The following FRMPD3 variants were observed in gnomAD, a reference collection of about 807,000 sequenced individuals.
FRMPD3 encodes the protein FERM and PDZ domain containing 3, also known as FERM and PDZ domain-containing protein 3.
FRMPD3 carries 42 observed loss-of-function variants against 97.9 expected under a neutral mutation model. That is an observed-to-expected ratio of 0.43 (90% confidence interval 0.34 to 0.55). FRMPD3 has a LOEUF of 0.55. Ranked by LOEUF, FRMPD3 falls within the 20% of genes least tolerant of loss-of-function variation. The pLI, the probability that FRMPD3 is intolerant of heterozygous loss-of-function variation, is 0.03. For synonymous variants in FRMPD3, 577 were observed against 581.1 expected, an observed-to-expected ratio of 0.99 and a Z score of 0.10; for missense variants, 1,303 against 1,457.7, an observed-to-expected ratio of 0.89 and a Z score of 1.73.
chrX:107,586,355 A>G (rs1056305968), intron 13 of FRMPD3, among the ~76,000 whole-genome samples: 1 of 108,769 alleles, frequency 9.2e-6, no homozygotes, highest in African/African-American at 3.3e-5. Context: ...TAGTCTAGCT[A>G]GTGGTCTATT....
intron 1 of FRMPD3, among the ~76,000 whole-genome samples, chrX:107,510,669 C>A (rs1922142801): frequency 8.9e-6 from 1 of 111,875 alleles, no homozygotes; most frequent in African/African-American, 3.2e-5. Flanking sequence ...TTAAGAAAGA[C>A]CTTATAATTC....
intron 13 of FRMPD3, among the ~76,000 whole-genome samples, chrX:107,583,761 A>G (rs1459053632): frequency 9.1e-6 from 1 of 110,217 alleles, no homozygotes; most frequent in African/African-American, 3.3e-5. Context: ...TTGTTTCCTG[A>G]CTTTTTAATA....
At chrX:107,484,098 C>T (rs1190677509) in intron 1 of FRMPD3, among the ~76,000 whole-genome samples, 1 of 111,924 alleles carries the variant, frequency 8.9e-6, no homozygotes, top group Non-Finnish European at 1.9e-5. Context: ...TCAGGTGGGT[C>T]CTTGAGATCA....
At chrX:107,489,354 A>G (rs971839369) in intron 1 of FRMPD3, among the ~76,000 whole-genome samples, 1 of 111,500 alleles carries the variant, frequency 9.0e-6, no homozygotes, top group African/African-American at 3.3e-5. Context: ...TATACCCAGT[A>G]ATGGGATGGC....
At chrX:107,560,657 C>G (rs1922317311) in intron 9 of FRMPD3, 70 bp from the exon 10 acceptor site, 1 of 1,086,298 alleles carries the variant, frequency 9.2e-7, no homozygotes, top group Non-Finnish European at 1.2e-6. Context: ...CAGTCAATTT[C>G]TGTCTTACCA....
chrX:107,598,351 C>T (rs1463128487), intron 14 of FRMPD3, among the ~76,000 whole-genome samples: 1 of 112,182 alleles, frequency 8.9e-6, no homozygotes, highest in Non-Finnish European at 1.9e-5. Context: ...TTCTGGCTCT[C>T]GTCATTGCAT....
At chrX:107,456,109 A>G (rs1295860049) in intron 1 of FRMPD3, among the ~76,000 whole-genome samples, 1 of 110,577 alleles carries the variant, frequency 9.0e-6, no homozygotes, top group African/African-American at 3.3e-5. Flanking sequence ...TCCGTTGCCC[A>G]GATGAGTACA....
intron 1 of FRMPD3, among the ~76,000 whole-genome samples, chrX:107,515,870 C>T (rs763208510): frequency 9.0e-6 from 1 of 111,528 alleles, no homozygotes; most frequent in Non-Finnish European, 1.9e-5. Context: ...AGAAAAGAAA[C>T]ATCCTCCATT....
rs1253502710 is a variant in FRMPD3 at position 107,563,191 on chromosome X, T to C, written c.1107T>C (p.Thr369=). 8.3e-7 allele frequency: 1 copy of C among 1,203,471 alleles called. No individual in the cohort carries two copies. Among genetic ancestry groups the C allele is most frequent in the Non-Finnish European group, 1.1e-6 (1 of 890,734 alleles). ...CCTTCACGGGCGTTTTGTTCAACAC[T>C]GTAGGCCTGGTCAGTGGCGCAGGAT... The part of the protein sequence containing the change: ...LPTFTGVLFN[T]VGLDEKQSAT... The change falls in exon 11 of 15, where the codon ACT becomes ACC. Residue 369 remains threonine, a synonymous_variant. Transcript: ENST00000683843.
chrX:107,534,473 C>G (rs753589069), intron 4 of FRMPD3, among the ~76,000 whole-genome samples: 3 of 111,001 alleles, frequency 2.7e-5, no homozygotes, highest in Non-Finnish European at 5.7e-5. Flanking sequence ...AAGGAGGAGG[C>G]TGCACCTGAG....
At chrX:107,575,511 C>T (rs1280485061) in intron 12 of FRMPD3, among the ~76,000 whole-genome samples, 1 of 109,555 alleles carries the variant, frequency 9.1e-6, no homozygotes, top group South Asian at 3.9e-4. Context: ...AGTGCAATGG[C>T]GCCATCTTGG....
rs775706256 is a variant in FRMPD3 at position 107,603,139 on chromosome X, C to T, written c.5100C>T (p.Tyr1700=). 6.8e-6 allele frequency: 8 copies of T among 1,183,008 alleles called. No individual in the cohort carries two copies. In the East Asian group the frequency reaches 2.1e-4, roughly 31 times the overall value. ...AGGTAGAAGAGGTGGTGAGGAACTA[C>T]ACCTTCCTGCTGCGTGCAGCTGAGG... ...LAKVEEVVRN[Y]TFLLRAAEES... Residue 1700 remains tyrosine (Y), a synonymous_variant, in exon 15 of 15, where the codon TAC becomes TAT. Coordinates refer to ENST00000683843, the MANE Select transcript of FRMPD3 (RefSeq NM_001388459.1).
chrX:107,521,315 A>C (rs1026645548), intron 1 of FRMPD3, among the ~76,000 whole-genome samples: 2 of 112,246 alleles, frequency 1.8e-5, no homozygotes, highest in African/African-American at 6.5e-5. Context: ...CCATTGTCTA[A>C]AAATAGCACT....
At chrX:107,453,868 A>T (rs890121561) in intron 1 of FRMPD3, among the ~76,000 whole-genome samples, 1 of 112,320 alleles carries the variant, frequency 8.9e-6, no homozygotes, top group Non-Finnish European at 1.9e-5. Context: ...AATCCCTGGT[A>T]GTCAGAAAAT....
At chrX:107,563,350 CA>C in intron 11 of FRMPD3, 150 bp downstream of exon 11, 1 of 436,632 alleles carries the variant, frequency 2.3e-6, no homozygotes, top group South Asian at 4.2e-5. Flanking sequence ...CTGCCTCTGC[CA>C]AAATGATAAA....
At chrX:107,544,010 G>T (rs1052205902) in intron 4 of FRMPD3, among the ~76,000 whole-genome samples, 2 of 110,318 alleles carry the variant, frequency 1.8e-5, no homozygotes, top group Non-Finnish European at 3.8e-5. Flanking sequence ...AAGAAAATGT[G>T]GTATAAATAC....
intron 3 of FRMPD3, among the ~76,000 whole-genome samples, chrX:107,531,352 C>T (rs12007909): frequency 0.13 from 14,363 of 108,021 alleles, 2,251 homozygotes; most frequent in African/African-American, 0.44. Context: ...CCCTCTCTCT[C>T]TCTCTCTCTC....
At chrX:107,519,369 C>T (rs911365893) in intron 1 of FRMPD3, among the ~76,000 whole-genome samples, 2 of 110,958 alleles carry the variant, frequency 1.8e-5, no homozygotes, top group East Asian at 2.8e-4. Flanking sequence ...GGGTGGCACA[C>T]GCCTGTGGTC....
chrX:107,537,065 C>G (rs1013171332), intron 4 of FRMPD3, among the ~76,000 whole-genome samples: 1 of 111,656 alleles, frequency 9.0e-6, no homozygotes, highest in African/African-American at 3.3e-5. Context: ...TTTCTTACCC[C>G]CTGTTCTGCT....
Sources: gnomAD v4.1 joint callset for allele counts (sites outside exome capture counted in the v4.1 genomes callset) on GRCh38, gnomAD v4.1.1 for gene constraint, MANE v1.5 for transcripts, NCBI Gene and HGNC (gene_info 2026-07-23, HGNC 2026-07-21) for gene names.